RAB3IL1: variants seen among roughly 807,000 people sequenced by gnomAD.
RAB3IL1 encodes guanine nucleotide exchange factor for Rab-3A.
RAB3IL1 carries 37 observed loss-of-function variants against 49.2 expected under a neutral mutation model. The ratio of observed to expected loss-of-function variants is 0.75; its 90% CI spans 0.58 to 0.99. RAB3IL1 has a LOEUF of 0.99. Ranked by LOEUF, RAB3IL1 falls within the 50% of genes least tolerant of loss-of-function variation. The pLI, the probability that RAB3IL1 is intolerant of heterozygous loss-of-function variation, is 0.00. For synonymous variants in RAB3IL1, 193 were observed against 213.9 expected (o/e 0.90, Z 0.85); for missense variants, 484 against 513.0 (o/e 0.94, Z 0.55).
In RAB3IL1 at chr11:61,917,515, G is replaced by C. The variant is rs1485565513; in HGVS notation, c.-148C>G. ...CGCGGCCGGTCAGTAGGTCTCAGAC[G>C]CCTGGGCTCGCGGCCCCCAGCCCAG... On this transcript the variant is annotated 5_prime_UTR_variant, in exon 1 of 10. Transcript: ENST00000394836. The C allele has an allele frequency of 7.1e-6, 8 of 1,123,384 alleles. No homozygotes were observed. The highest frequency in any genetic ancestry group is 8.7e-6 in the Non-Finnish European group (8 of 919,848). The allele number at this position is 1,123,384 out of a possible 1,614,324, so 69.6% of individuals were successfully genotyped here.
chr11:61,913,207 G>A (rs1447921722), intron 1 of RAB3IL1, among the ~76,000 whole-genome samples: 1 of 152,152 alleles, frequency 6.6e-6, no homozygotes, highest in Non-Finnish European at 1.5e-5. Flanking sequence ...CAGAAAGGAC[G>A]AGAGTGTTGG....
chr11:61,920,100 TG>T, upstream of RAB3IL1: 1 of 1,337,742 alleles, frequency 7.5e-7, no homozygotes, highest in Non-Finnish European at 9.7e-7. Context: ...ACAGGCCTGA[TG>T]GGGCGTAGCG....
At chr11:61,934,450 G>GTGTATGTATGTATGTA in the RAB3IL1 span, among the ~76,000 whole-genome samples, 3 of 31,614 alleles carry the variant, frequency 9.5e-5, no homozygotes, top group Non-Finnish European at 1.4e-4. Context: ...GTGTGTGTAT[G>GTGTATGTATGTATGTA]TATATATATA....
At position 61,908,109 on chromosome 11, in the gene RAB3IL1, T is replaced by G. The variant is rs201936577; in HGVS notation, c.209A>C (p.Glu70Ala). 37 of 1,610,300 alleles carry G rather than the reference T, an allele frequency of 2.3e-5. No individual in the cohort carries two copies. The highest frequency in any genetic ancestry group is 2.5e-6 in the Non-Finnish European group (3 of 1,179,398). ...GAACTCGGAGCCCTTCTCTCGGATC[T>G]CCATGGAAGAGCTGCGCAGGCGCAA... ...DVLRLRSSSM[E>A]IREKGSEFLK... is the part of the protein sequence containing the mutation. The change falls in exon 2 of 10, where the codon GAG becomes GCG. Residue 70 changes from glutamate to alanine, a missense_variant. Glu to Ala is a moderately radical substitution (Grantham distance 107). Transcript: ENST00000394836.
At chr11:61,899,073 GC>G (rs1938762254) in intron 9 of RAB3IL1, 1 of 575,890 alleles carries the variant, frequency 1.7e-6, no homozygotes, top group Non-Finnish European at 3.2e-6. Flanking sequence ...CACAGGGGTG[GC>G]CCCCTTGTGC....
chr11:61,929,803 C>A, the RAB3IL1 span, among the ~76,000 whole-genome samples: 1 of 150,622 alleles, frequency 6.6e-6, no homozygotes, highest in African/African-American at 2.4e-5. Context: ...CCAAGATGGT[C>A]TCGATCTCCT....
At position 61,898,185 on chromosome 11, in the gene RAB3IL1, C is replaced by CT. The variant is rs906471757; in HGVS notation, c.*92dup. The CT allele has an allele frequency of 8.3e-7, 1 of 1,206,678 alleles. No homozygotes were observed. Among genetic ancestry groups the CT allele is most frequent in the African/African-American group, 1.5e-5 (1 of 66,960 alleles). 74.7% of individuals were successfully genotyped at this position (1,206,678 alleles called of 1,614,324 possible). ...CATCCATTCTGCCTCTGGCTCAGGG[C>CT]TGGCTCCAGGCCCCCGTCTCCCTGT... On this transcript the variant is annotated 3_prime_UTR_variant, in exon 10 of 10. Transcript: ENST00000394836. The surrounding 1 kb of genome is among the most constrained non-coding windows in gnomAD (Gnocchi z 5.1).
chr11:61,919,864 C>T (rs1939853166), upstream of RAB3IL1, among the ~76,000 whole-genome samples: 1 of 152,214 alleles, frequency 6.6e-6, no homozygotes. Flanking sequence ...CACTGTGTGA[C>T]CCAGGATGAG....
At chr11:61,912,238 G>A (rs920831117) in intron 1 of RAB3IL1, among the ~76,000 whole-genome samples, 1 of 152,146 alleles carries the variant, frequency 6.6e-6, no homozygotes, top group African/African-American at 2.4e-5. Context: ...CAGAAACCCC[G>A]ACCCAGGGCC....
chr11:61,928,955 A>G, the RAB3IL1 span, among the ~76,000 whole-genome samples: 1 of 152,218 alleles, frequency 6.6e-6, no homozygotes, highest in African/African-American at 2.4e-5. Flanking sequence ...AGGTTAACAC[A>G]TGAATTTTTA....
the RAB3IL1 span, among the ~76,000 whole-genome samples, chr11:61,935,279 G>A: frequency 6.6e-6 from 1 of 151,874 alleles, no homozygotes; most frequent in Non-Finnish European, 1.5e-5. Context: ...AATTAGCTGG[G>A]TGTGGTGGCA....
chr11:61,944,846 C>A, the RAB3IL1 span, among the ~76,000 whole-genome samples: 2 of 152,070 alleles, frequency 1.3e-5, no homozygotes, highest in Non-Finnish European at 2.9e-5. Context: ...TACAGGCATG[C>A]GCCACCATGC....
chr11:61,917,608 C>A (rs1315777945), upstream of RAB3IL1: 17 of 1,031,120 alleles, frequency 1.6e-5, no homozygotes, highest in Non-Finnish European at 2.0e-5. Flanking sequence ...TGCCCGGCCC[C>A]GCCCCTCCGC....
At chr11:61,925,490 C>T in the RAB3IL1 span, among the ~76,000 whole-genome samples, 6 of 152,052 alleles carry the variant, frequency 3.9e-5, no homozygotes, top group Admixed American at 1.3e-4. Flanking sequence ...CACGAATTAG[C>T]CAGGCATGGT....
At chr11:61,945,805 G>T in the RAB3IL1 span, 87 of 985,234 alleles carry the variant, frequency 8.8e-5, no homozygotes, top group Non-Finnish European at 1.0e-4. Context: ...AGTCCATGGG[G>T]GACCTCGCAG....
At chr11:61,919,136 G>A (rs1295752500), upstream of RAB3IL1, among the ~76,000 whole-genome samples, 1 of 152,178 alleles carries the variant, frequency 6.6e-6, no homozygotes, top group Non-Finnish European at 1.5e-5. Flanking sequence ...CAGGGCCCTT[G>A]CCCTCCAAGT....
chr11:61,906,772 C>T lies in RAB3IL1; in HGVS notation c.439-88G>A, dbSNP rs1939215102. 3.1e-6 allele frequency: 4 copies of T among 1,273,686 alleles called. No individual in the cohort carries two copies. The highest frequency in any genetic ancestry group is 1.1e-6 in the Non-Finnish European group (1 of 904,026). The allele number at this position is 1,273,686 out of a possible 1,614,324, so 78.9% of individuals were successfully genotyped here. ...CCTATCAGCCTAACTCAGGACAATG[C>T]ACCCCTGCAGTGACAGGCACTTAGT... is the stretch of plus-strand genomic sequence containing the variant. On this transcript the variant is annotated intron_variant, in intron 4 of 9. Transcript: ENST00000394836. The surrounding 1 kb of genome is among the most constrained non-coding windows in gnomAD (Gnocchi z 4.6).
At chr11:61,922,374 T>C (rs1939927951), upstream of RAB3IL1, among the ~76,000 whole-genome samples, 1 of 151,540 alleles carries the variant, frequency 6.6e-6, no homozygotes, top group Non-Finnish European at 1.5e-5. Flanking sequence ...AATACAAAAT[T>C]AGCCGGGGGT....
At chr11:61,945,172 C>T in the RAB3IL1 span, among the ~76,000 whole-genome samples, 1 of 152,196 alleles carries the variant, frequency 6.6e-6, no homozygotes, top group Non-Finnish European at 1.5e-5. Context: ...CCTCATCTAG[C>T]CTACCCTTGT....
Sources: gnomAD v4.1 joint callset for allele counts (sites outside exome capture counted in the v4.1 genomes callset) on GRCh38, gnomAD v4.1.1 for gene constraint, Gnocchi (gnomAD v3.1) non-coding constraint, MANE v1.5 for transcripts, NCBI Gene and HGNC (gene_info 2026-07-23, HGNC 2026-07-21) for gene names.